Variants in CENPP observed in about 807,000 individuals in gnomAD.
The protein encoded by CENPP is centromere protein P.
CENPP carries 24 observed loss-of-function variants against 35.6 expected under a neutral mutation model. The ratio of observed to expected loss-of-function variants is 0.67; its 90% CI spans 0.49 to 0.95. The LOEUF is 0.95. CENPP is among the 40% of genes least tolerant of loss of function. The probability of loss-of-function intolerance (pLI) is 0.00; values close to 1 mark genes in which losing one functional copy is unlikely to be tolerated. For missense variants in CENPP, 332 were observed against 345.3 expected (o/e 0.96, Z 0.31); for synonymous variants, 120 against 125.5 (o/e 0.96, Z 0.29).
At chr9:92,332,136 A>G in intron 1 of CENPP, 34 bp from the exon 2 acceptor site, 1 of 1,456,292 alleles carries the variant, frequency 6.9e-7, no homozygotes, top group Non-Finnish European at 9.4e-7. Flanking sequence ...CGTGTTAGTA[A>G]TTGGAGTGAT....
chr9:92,547,525 C>T (rs1425313723), intron 5 of CENPP, among the ~76,000 whole-genome samples: 1 of 152,188 alleles, frequency 6.6e-6, no homozygotes, highest in Non-Finnish European at 1.5e-5. Flanking sequence ...ATGGATGAAC[C>T]TCAAAAACAT....
At chr9:92,339,422 A>C (rs538074855) in intron 3 of CENPP, among the ~76,000 whole-genome samples, 11 of 152,096 alleles carry the variant, frequency 7.2e-5, no homozygotes, top group Middle Eastern at 3.2e-3. Flanking sequence ...TCTCTTTGCA[A>C]TCCAAGTCTC....
intron 5 of CENPP, among the ~76,000 whole-genome samples, chr9:92,552,218 C>G (rs1013189841): frequency 6.7e-6 from 1 of 149,978 alleles, no homozygotes; most frequent in African/African-American, 2.5e-5. Context: ...CACACACACC[C>G]CACAGTTTCT....
chr9:92,496,195 G>T (rs1846336481), intron 5 of CENPP: 1 of 1,412,616 alleles, frequency 7.1e-7, no homozygotes, highest in Non-Finnish European at 9.2e-7. Flanking sequence ...AGTGAATCAG[G>T]TTGACTAGCA....
chr9:92,584,734 G>A (rs1001846308), intron 5 of CENPP, among the ~76,000 whole-genome samples: 6 of 152,156 alleles, frequency 3.9e-5, no homozygotes, highest in Non-Finnish European at 7.4e-5. Context: ...TAAAGCTCTA[G>A]AGTCTTTAAA....
chr9:92,510,208 TG>T (rs952505570), intron 5 of CENPP, among the ~76,000 whole-genome samples: 5 of 152,230 alleles, frequency 3.3e-5, no homozygotes, highest in Non-Finnish European at 5.9e-5. Context: ...ATATTGATCC[TG>T]GTAATAGCAT....
At chr9:92,330,720 ACTTT>A (rs1840719153) in intron 1 of CENPP, among the ~76,000 whole-genome samples, 1 of 78,232 alleles carries the variant, frequency 1.3e-5, no homozygotes, top group Non-Finnish European at 2.4e-5. Flanking sequence ...ACAGAGTCTT[ACTTT>A]GTTGCCCAGG....
chr9:92,611,380 G>T lies in CENPP; in HGVS notation c.631G>T (p.Ala211Ser), dbSNP rs748491263. 7 of 1,612,876 alleles carry T rather than the reference G, an allele frequency of 4.3e-6. No individual in the cohort carries two copies. Among genetic ancestry groups the T allele is most frequent in the Middle Eastern group, 1.7e-4 (1 of 5,836 alleles). Reference protein sequence around the residue: ...PSSCSMGIRSASRPGFELVIV... With the variant: ...PSSCSMGIRSSSRPGFELVIV... ...CTCCTGCTCCATGGGGATCCGCAGCGCCAGCCGGCCAGGGTGAGCCTGCAC... is the reference window on the plus strand; with the variant it reads ...CTCCTGCTCCATGGGGATCCGCAGCTCCAGCCGGCCAGGGTGAGCCTGCAC... The change falls in exon 6 of 8, where the codon GCC (alanine) becomes TCC (serine). Residue 211 changes from alanine to serine, a missense_variant. Physicochemically the swap from Ala to Ser is moderately conservative, Grantham distance 99. Transcript: ENST00000375587.
rs906292782 is a variant in CENPP, at chr9:92,474,619, C to G, written c.564+94760C>G. On this transcript the variant is annotated intron_variant, in intron 5 of 7. Transcript: ENST00000375587. ...CTTCAAAACAAAATCGACTTATATTCTTACCTAAATCTGAGCAATGTACAA... is the reference window on the plus strand; with the variant it reads ...CTTCAAAACAAAATCGACTTATATTGTTACCTAAATCTGAGCAATGTACAA... The G allele has an allele frequency of 4.4e-6, 7 of 1,603,088 alleles. No individual in the cohort carries two copies. The African/African-American group carries it at 9.4e-5, about 22-fold the overall frequency.
chr9:92,394,787 A>G (rs1842828369), intron 5 of CENPP, among the ~76,000 whole-genome samples: 2 of 151,062 alleles, frequency 1.3e-5, no homozygotes, highest in African/African-American at 2.4e-5. Context: ...TTGTATTTTT[A>G]GTAGAGACTG....
intron 5 of CENPP, among the ~76,000 whole-genome samples, chr9:92,607,896 ATCTT>A (rs1851126056): frequency 6.6e-6 from 1 of 152,256 alleles, no homozygotes; most frequent in South Asian, 2.1e-4. Context: ...TCTTACAGCC[ATCTT>A]TCTATCATAA....
intron 5 of CENPP, among the ~76,000 whole-genome samples, chr9:92,506,960 T>C (rs1183457609): frequency 2.0e-5 from 3 of 152,030 alleles, no homozygotes; most frequent in African/African-American, 7.3e-5. Context: ...CAGGCTGGAG[T>C]GCAATAGCGT....
intron 4 of CENPP, among the ~76,000 whole-genome samples, chr9:92,367,879 G>A (rs1841925189): frequency 6.6e-6 from 1 of 152,202 alleles, no homozygotes; most frequent in Non-Finnish European, 1.5e-5. Flanking sequence ...GCCGCCCAAA[G>A]CACTGGGATT....
intron 5 of CENPP, among the ~76,000 whole-genome samples, chr9:92,438,812 G>A (rs1405791855): frequency 1.3e-5 from 2 of 152,214 alleles, no homozygotes; most frequent in African/African-American, 4.8e-5. Flanking sequence ...AATTAACCAG[G>A]CATGGTGGCA....
chr9:92,471,880 G>T (rs918987755), intron 5 of CENPP, among the ~76,000 whole-genome samples: 3 of 151,954 alleles, frequency 2.0e-5, no homozygotes, highest in African/African-American at 7.3e-5. Flanking sequence ...GGCTAGTCTC[G>T]AACTCCTGGA....
intron 5 of CENPP, among the ~76,000 whole-genome samples, chr9:92,532,015 G>GTTTTTTGTTTT (rs1848798408): frequency 1.0e-5 from 1 of 95,736 alleles, no homozygotes; most frequent in African/African-American, 5.9e-5. Context: ...TTTATTTAAT[G>GTTTTTTGTTTT]TTTTTTTTTT....
At chr9:92,587,748 A>G (rs1850574852) in intron 5 of CENPP, among the ~76,000 whole-genome samples, 1 of 152,230 alleles carries the variant, frequency 6.6e-6, no homozygotes, top group African/African-American at 2.4e-5. Context: ...TTATTTTGAA[A>G]TGATCAGAAT....
At chr9:92,380,891 G>T (rs1842226130) in intron 5 of CENPP, among the ~76,000 whole-genome samples, 1 of 152,142 alleles carries the variant, frequency 6.6e-6, no homozygotes, top group South Asian at 2.1e-4. Context: ...AAGCTGATTT[G>T]ACTCTACGTG....
At position 92,592,056 on chromosome 9, in the gene CENPP, AAAAT is replaced by A. The variant is rs1274721744; in HGVS notation, c.565-19256_565-19253del. ...TACCCTAAAACTTAAAGTATAAAAA[AAAAT>A]AGACATACAGAAAAGAGCATATATA... On this transcript the variant is annotated intron_variant, in intron 5 of 7. Transcript: ENST00000375587. Among the ~76,000 whole-genome samples, 3 of 152,296 alleles carry A rather than the reference AAAAT, an allele frequency of 2.0e-5. No homozygotes were observed. The East Asian group carries it at 5.8e-4, about 29-fold the overall frequency.
Sources: gnomAD v4.1 joint callset for allele counts (sites outside exome capture counted in the v4.1 genomes callset) on GRCh38, gnomAD v4.1.1 for gene constraint, MANE v1.5 for transcripts, NCBI Gene and HGNC (gene_info 2026-07-23, HGNC 2026-07-21) for gene names.